Variants in PTTG1 observed in about 807,000 individuals in gnomAD.
PTTG1 encodes the protein securin.
PTTG1 carries 8 observed loss-of-function variants against 20.0 expected under a neutral mutation model. The observed-to-expected ratio is 0.40, with a 90% confidence interval of 0.23 to 0.72. The LOEUF is 0.72. Ranked by LOEUF, PTTG1 falls within the 30% of genes least tolerant of loss-of-function variation. The pLI is 0.38. For synonymous variants in PTTG1, 79 were observed against 87.2 expected, an observed-to-expected ratio of 0.91 and a Z score of 0.52; for missense variants, 197 against 236.0, an observed-to-expected ratio of 0.83 and a Z score of 1.08.
At chr5:160,424,116 C>A in intron 3 of PTTG1, 121 bp from the exon 4 acceptor site, 1 of 655,044 alleles carries the variant, frequency 1.5e-6, no homozygotes. Context: ...TATTTAGGTG[C>A]AATTATGAAA....
intron 4 of PTTG1, among the ~76,000 whole-genome samples, chr5:160,426,795 G>A (rs1430106690): frequency 6.6e-6 from 1 of 152,164 alleles, no homozygotes; most frequent in Admixed American, 6.5e-5. Context: ...TGTAATCCCA[G>A]CACTTTGGGA....
chr5:160,428,128 C>G (rs1405646926), intron 5 of PTTG1, among the ~76,000 whole-genome samples: 1 of 152,202 alleles, frequency 6.6e-6, no homozygotes, highest in African/African-American at 2.4e-5. Context: ...CTTACATCTT[C>G]TTAGGCTATA....
chr5:160,427,983 C>A, intron 5 of PTTG1, 110 bp downstream of exon 5: 1 of 1,324,706 alleles, frequency 7.5e-7, no homozygotes. Flanking sequence ...AATTTCTGTC[C>A]TTCAAATGAC....
rs1359731061 is a variant in PTTG1, at chr5:160,428,604, C to A, written c.532C>A (p.Leu178Met). Residue 178 changes from leucine to methionine, a missense_variant and splice_region_variant, in exon 6 of 6, where the codon CTG becomes ATG. By Grantham distance (15) the Leu-to-Met change is conservative. Coordinates refer to ENST00000352433, the MANE Select transcript of PTTG1 (RefSeq NM_004219.4). Reference protein sequence around the residue: ...KMPSPPWESNLLQSPSSILST... With the variant: ...KMPSPPWESNMLQSPSSILST... ...AATAAGAGATTCCTGTTTTCTAGAT[C>A]TGTTGCAGTCTCCTTCAAGCATTCT... 1.9e-6 allele frequency: 3 copies of A among 1,613,518 alleles called. No homozygotes were observed. The highest frequency in any genetic ancestry group is 1.7e-6 in the Non-Finnish European group (2 of 1,179,488).
In PTTG1 at chr5:160,428,704, G is replaced by T. The variant is rs755029836; in HGVS notation, c.*23G>T. ...TAAATTTCTTAGTGCTTCAGAGTTT[G>T]TGTGTATTTGTATTAATAAAGCATT... is the stretch of plus-strand genomic sequence containing the variant. On this transcript the variant is annotated 3_prime_UTR_variant, in exon 6 of 6. Transcript: ENST00000352433. The T allele has an allele frequency of 6.3e-6, 10 of 1,583,378 alleles. 1 individual carries two copies. In the South Asian group the frequency reaches 1.1e-4, roughly 18 times the overall value.
rs748797836 is a variant in PTTG1 at position 160,422,903 on chromosome 5, G to T, written c.276+10G>T. The stretch of plus-strand genomic sequence containing the variant: ...CTTTTCTGCCAAAAAGGTAAGTGTT[G>T]GCTATAAAGACACTGTTTAAACACT... On this transcript the variant is annotated intron_variant, in intron 3 of 5. Coordinates refer to ENST00000352433, the MANE Select transcript of PTTG1 (RefSeq NM_004219.4). 2 of 1,613,412 alleles carry T rather than the reference G, an allele frequency of 1.2e-6. No individual in the cohort carries two copies. Among genetic ancestry groups the T allele is most frequent in the African/African-American group, 1.3e-5 (1 of 74,872 alleles).
chr5:160,427,648 C>T, intron 4 of PTTG1, 67 bp from the exon 5 acceptor site: 1 of 1,543,756 alleles, frequency 6.5e-7, no homozygotes, highest in Non-Finnish European at 8.8e-7. Context: ...GGGTCTCAGA[C>T]CACAAGGGAT....
At chr5:160,422,210 G>A in intron 1 of PTTG1, 92 bp from the exon 2 acceptor site, 2 of 873,640 alleles carry the variant, frequency 2.3e-6, no homozygotes, top group Non-Finnish European at 3.7e-6. Context: ...TGTTTTTTGT[G>A]TGGACACTCC....
chr5:160,423,212 T>C (rs1190904227), intron 3 of PTTG1, among the ~76,000 whole-genome samples: 5 of 152,214 alleles, frequency 3.3e-5, no homozygotes, highest in African/African-American at 4.8e-5. Context: ...TAAGAGAAAC[T>C]GGTTGGTGGT....
chr5:160,422,734 T>A lies in PTTG1; in HGVS notation c.117T>A (p.Ser39=), dbSNP rs149937405. The stretch of plus-strand genomic sequence containing the variant: ...CAATCAAAGCCTTAGATGGGAGATC[T>A]CAAGTTTCAACACCACGTTTTGGCA... ...GPSIKALDGR[S]QVSTPRFGKT... is the part of the protein sequence containing the mutation. Residue 39 remains serine (S), a synonymous_variant, in exon 3 of 6, where the codon TCT becomes TCA. Transcript: ENST00000352433. 1 of 1,614,108 alleles carries A rather than the reference T, an allele frequency of 6.2e-7. No homozygotes were observed. The highest frequency in any genetic ancestry group is 1.3e-5 in the African/African-American group (1 of 74,998).
At position 160,424,183 on chromosome 5, in the gene PTTG1, T is replaced by A. The variant is rs1765767427; in HGVS notation, c.277-54T>A. 12 of 1,309,542 alleles carry A rather than the reference T, an allele frequency of 9.2e-6. No individual in the cohort carries two copies. In the South Asian group the frequency reaches 1.6e-4, roughly 17 times the overall value. 81.1% of individuals were successfully genotyped at this position (1,309,542 alleles called of 1,614,324 possible). A position where few individuals can be genotyped will look rare whatever the true frequency, so the allele number is the denominator to read the frequency against. On this transcript the variant is annotated intron_variant, in intron 3 of 5. Coordinates refer to ENST00000352433, the MANE Select transcript of PTTG1 (RefSeq NM_004219.4). ...TGAAATTGACAAATTTAAAAACTAA[T>A]CAGCTAATAAGACTTCCACTGTCAC...
rs1427353051 is a variant in PTTG1 at position 160,424,239 on chromosome 5, G to C, written c.279G>C (p.Met93Ile). 1.2e-6 allele frequency: 2 copies of C among 1,605,606 alleles called. No homozygotes were observed. The highest frequency in any genetic ancestry group is 2.2e-5 in the South Asian group (2 of 90,564). Residue 93 changes from methionine to isoleucine, a missense_variant and splice_region_variant, in exon 4 of 6, where the codon ATG becomes ATC. Coordinates refer to ENST00000352433, the MANE Select transcript of PTTG1 (RefSeq NM_004219.4). ...QKQPSFSAKK[M>I]TEKTVKAKSS... ...CATATTTTCTTTGGCTGTTCTAGAT[G>C]ACTGAGAAGACTGTTAAAGCAAAAA...
chr5:160,428,721 T>C lies in PTTG1; in HGVS notation c.*40T>C. ...CAGAGTTTGTGTGTATTTGTATTAA[T>C]AAAGCATTCTTTAACAGATTCTTCC... On this transcript the variant is annotated 3_prime_UTR_variant, in exon 6 of 6. Transcript: ENST00000352433. 1.3e-6 allele frequency: 2 copies of C among 1,546,646 alleles called. No individual in the cohort carries two copies. The highest frequency in any genetic ancestry group is 1.8e-6 in the Non-Finnish European group (2 of 1,119,878).
At chr5:160,426,113 GACC>G (rs1225706710) in intron 4 of PTTG1, among the ~76,000 whole-genome samples, 1 of 151,954 alleles carries the variant, frequency 6.6e-6, no homozygotes, top group East Asian at 1.9e-4. Context: ...AATTATTGAA[GACC>G]ACTTTTGCTT....
chr5:160,427,857 TCCA>T lies in PTTG1; in HGVS notation c.517_519del (p.Pro173del), dbSNP rs1765839750. 1 of 1,614,064 alleles carries T rather than the reference TCCA, an allele frequency of 6.2e-7. No individual in the cohort carries two copies. Among genetic ancestry groups the T allele is most frequent in the Non-Finnish European group, 8.5e-7 (1 of 1,180,024 alleles). On this transcript the variant is annotated inframe_deletion, in exon 5 of 6. Transcript: ENST00000352433. Reference sequence around the variant, plus strand: ...CCCCTTCACCTGTGAAGATGCCCTCTCCACCATGGGAATCCAGTAAGTGAGCAA... The same window carrying T: ...CCCCTTCACCTGTGAAGATGCCCTCTCCATGGGAATCCAGTAAGTGAGCAA...
intron 4 of PTTG1, among the ~76,000 whole-genome samples, chr5:160,427,341 T>A (rs939954404): frequency 2.0e-5 from 3 of 152,238 alleles, no homozygotes; most frequent in African/African-American, 7.2e-5. Context: ...ACTTCTCATT[T>A]TATCACACAG....
At chr5:160,426,815 G>A (rs1765817205) in intron 4 of PTTG1, among the ~76,000 whole-genome samples, 1 of 152,188 alleles carries the variant, frequency 6.6e-6, no homozygotes, top group Non-Finnish European at 1.5e-5. Context: ...AGGCAAGGCG[G>A]GCGGATCACC....
At position 160,428,696 on chromosome 5, in the gene PTTG1, C is replaced by T; in HGVS notation, c.*15C>T. 6.3e-7 allele frequency: 1 copy of T among 1,598,164 alleles called. No individual in the cohort carries two copies. Among genetic ancestry groups the T allele is most frequent in the African/African-American group, 1.3e-5 (1 of 74,608 alleles). ...TAGATATTTAAATTTCTTAGTGCTT[C>T]AGAGTTTGTGTGTATTTGTATTAAT... On this transcript the variant is annotated 3_prime_UTR_variant, in exon 6 of 6. Coordinates refer to ENST00000352433, the MANE Select transcript of PTTG1 (RefSeq NM_004219.4).
chr5:160,424,615 T>C (rs559502556), intron 4 of PTTG1: 24 of 242,528 alleles, frequency 9.9e-5, no homozygotes, highest in African/African-American at 4.9e-4. Context: ...ATAAGTCCCA[T>C]TGTGGACAGT....
Sources: allele counts gnomAD v4.1 joint callset (sites outside exome capture counted in the v4.1 genomes callset), GRCh38; gene constraint gnomAD v4.1.1; transcripts MANE v1.5; gene names NCBI Gene and HGNC (gene_info 2026-07-23, HGNC 2026-07-21).